The following TTC22 variants were observed in gnomAD, a reference collection of about 807,000 sequenced individuals.
The protein encoded by TTC22 is tetratricopeptide repeat domain 22, also known as tetratricopeptide repeat protein 22.
A neutral mutation model predicts 48.2 loss-of-function variants in TTC22; 42 were observed. The ratio of observed to expected loss-of-function variants is 0.87; its 90% confidence interval spans 0.68 to 1.13. The LOEUF (loss-of-function observed/expected upper bound fraction) is 1.13. Ranked by LOEUF, TTC22 falls within the 50% of genes most tolerant of loss-of-function variation. TTC22 has a pLI of 0.00. For synonymous variants in TTC22, 345 were observed against 365.5 expected (o/e 0.94, Z 0.64); for missense variants, 784 against 807.0 (o/e 0.97, Z 0.34).
Position 54,780,698 on chromosome 1 carries a change from T to C in TTC22, c.*545A>G, listed in dbSNP as rs1452038086. ...AGGAATGAGCCCTGAGCACGAGGCTTAGGCTAGGGCCCTGTCCCGTAACTC... is the reference window on the plus strand; with the variant it reads ...AGGAATGAGCCCTGAGCACGAGGCTCAGGCTAGGGCCCTGTCCCGTAACTC... On this transcript the variant is annotated 3_prime_UTR_variant, in exon 7 of 7. Coordinates refer to ENST00000371276, the MANE Select transcript of TTC22 (RefSeq NM_001114108.2). 2.0e-5 allele frequency: 3 copies of C among 152,288 alleles called. No individual in the cohort carries two copies. The highest frequency in any genetic ancestry group is 6.5e-5 in the Admixed American group (1 of 15,294). 9.4% of individuals were successfully genotyped at this position (152,288 alleles called of 1,614,324 possible).
chr1:54,787,787 C>T lies in TTC22; in HGVS notation c.663G>A (p.Gln221=), dbSNP rs753899935. 4 of 1,612,722 alleles carry T rather than the reference C, an allele frequency of 2.5e-6. No homozygotes were observed. The Admixed American group carries it at 6.7e-5, about 27-fold the overall frequency. The change falls in exon 3 of 7, where the codon CAG becomes CAA. Residue 221 remains glutamine, a synonymous_variant. Coordinates refer to ENST00000371276, the MANE Select transcript of TTC22 (RefSeq NM_001114108.2). ...TGCGGTTGAAGGCAGGCAGTCTCTT[C>T]TGCTCCTCACTGCCCAGCTCCAGGA... ...GIFLELGSEE[Q]KRLPAFNRTL... is the part of the protein sequence containing the mutation.
At chr1:54,793,057 G>C (rs183434453) in intron 1 of TTC22, 2 of 152,178 alleles carry the variant, frequency 1.3e-5, no homozygotes, top group Non-Finnish European at 2.9e-5. Context: ...GAACCTGCCT[G>C]GGGTGGGTGG....
rs369078300 is a variant in TTC22 at position 54,787,916 on chromosome 1, G to A, written c.624-90C>T. On this transcript the variant is annotated intron_variant, in intron 2 of 6. Transcript: ENST00000371276. ...CTGCCCAGGCCTGTGGTGGTGGGGG[G>A]TGGCGGTTTGGGGAGCCCTTTCCAG... 1,113 of 1,467,402 alleles carry A rather than the reference G, an allele frequency of 7.6e-4. 10 individuals are homozygous for A. The African/African-American group carries it at 0.013, about 18-fold the overall frequency. The allele number at this position is 1,467,402 out of a possible 1,614,324, so 90.9% of individuals were successfully genotyped here. A position where few individuals can be genotyped will look rare whatever the true frequency, so the allele number is the denominator to read the frequency against.
In TTC22 at chr1:54,783,796, G is replaced by C. The variant is rs1254719602; in HGVS notation, c.1021-1319C>G. On this transcript the variant is annotated intron_variant, in intron 5 of 6. Coordinates refer to ENST00000371276, the MANE Select transcript of TTC22 (RefSeq NM_001114108.2). The stretch of plus-strand genomic sequence containing the variant: ...GCTTGAGCCCAAGAATTTGAAACCA[G>C]CCTGGGCAACATAGGCAGAACCCTG... Among the ~76,000 whole-genome samples the C allele has an allele frequency of 2.0e-5, 3 of 152,254 alleles. No individual in the cohort carries two copies. In the South Asian group the frequency reaches 6.2e-4, roughly 32 times the overall value.
In TTC22 at chr1:54,786,973, A is replaced by C. The variant is rs1205024993; in HGVS notation, c.842T>G (p.Leu281Arg). The C allele has an allele frequency of 6.5e-7, 1 of 1,545,544 alleles. No homozygotes were observed. The highest frequency in any genetic ancestry group is 8.7e-7 in the Non-Finnish European group (1 of 1,144,896). ...HDCGYSGTDP[L>R]DCFGKAIEIA... ...GGCAAGTACCTTGCCGAAGCAGTCT[A>C]GAGGGTCGGTCCCTGAGTACCCGCA... The change falls in exon 4 of 7, where the codon CTA becomes CGA. Residue 281 changes from leucine (L) to arginine (R), a missense_variant. By Grantham distance (102) the Leu-to-Arg change is moderately radical (BLOSUM62 -2). Coordinates refer to ENST00000371276, the MANE Select transcript of TTC22 (RefSeq NM_001114108.2).
chr1:54,781,594 G>A lies in TTC22; in HGVS notation c.1359C>T (p.Ala453=). 6.6e-7 allele frequency: 1 copy of A among 1,524,324 alleles called. No homozygotes were observed. Among genetic ancestry groups the A allele is most frequent in the Non-Finnish European group, 8.8e-7 (1 of 1,142,008 alleles). The allele number at this position is 1,524,324 out of a possible 1,614,324, so 94.4% of individuals were successfully genotyped here. Residue 453 remains alanine, a synonymous_variant, in exon 7 of 7, where the codon GCC becomes GCT. Coordinates refer to ENST00000371276, the MANE Select transcript of TTC22 (RefSeq NM_001114108.2). ...RIKGEDANAA[A]CFKRAVELDD... is the part of the protein sequence containing the mutation. The stretch of plus-strand genomic sequence containing the variant: ...CCAGCTCCACTGCGCGCTTGAAGCA[G>A]GCGGCCGCGTTGGCGTCCTCGCCCT...
In TTC22 at chr1:54,782,402, G is replaced by A. The variant is rs370043562; in HGVS notation, c.1096C>T (p.Leu366=). 3.4e-5 allele frequency: 52 copies of A among 1,551,444 alleles called. No homozygotes were observed. Among genetic ancestry groups the A allele is most frequent in the Non-Finnish European group, 4.4e-5 (51 of 1,146,950 alleles). The change falls in exon 6 of 7, where the codon CTG becomes TTG. Residue 366 remains leucine, a synonymous_variant. Coordinates refer to ENST00000371276, the MANE Select transcript of TTC22 (RefSeq NM_001114108.2). ...GLGGMPDRNH[L]ACAKADLEEV... ...TCAAGGTCAGCCTTGGCACAGGCCA[G>A]GTGGTTCCTGTCAGGCATGCCCCCG...
rs1379983787 is a variant in TTC22 at position 54,800,676 on chromosome 1, C to A, written c.488G>T (p.Cys163Phe). 6.4e-7 allele frequency: 1 copy of A among 1,551,642 alleles called. No individual in the cohort carries two copies. The highest frequency in any genetic ancestry group is 1.9e-5 in the Admixed American group (1 of 52,542). The change falls in exon 1 of 7, where the codon TGC (cysteine) becomes TTC (phenylalanine). Residue 163 changes from cysteine (C) to phenylalanine (F), a missense_variant. Coordinates refer to ENST00000371276, the MANE Select transcript of TTC22 (RefSeq NM_001114108.2). Reference protein sequence around the residue: ...QGYAHGFDVGCASPEERARGL... With the variant: ...QGYAHGFDVGFASPEERARGL... ...CCGCGCACGCTCCTCTGGGCTGGCG[C>A]AGCCGACGTCGAAGCCATGCGCGTA...
chr1:54,781,933 C>T (rs1401790346), intron 6 of TTC22, among the ~76,000 whole-genome samples, 154 bp from the exon 7 acceptor site: 4 of 152,250 alleles, frequency 2.6e-5, no homozygotes, highest in African/African-American at 9.6e-5. Context: ...ATTCCTGCTC[C>T]TCTAGAAAAG....
intron 5 of TTC22, chr1:54,784,525 A>C: frequency 9.9e-7 from 1 of 1,009,576 alleles, no homozygotes; most frequent in Non-Finnish European, 1.2e-6. Context: ...TCTTGTGAAC[A>C]TTAAATCAGA....
intron 1 of TTC22, chr1:54,792,972 C>T (rs1646364109): frequency 6.6e-6 from 1 of 152,182 alleles, no homozygotes. Context: ...GTTTATGACT[C>T]CCAGAGGCAA....
rs1360698404 is a variant in TTC22, at chr1:54,800,844, G to T, written c.320C>A (p.Ala107Glu). 6.2e-7 allele frequency: 1 copy of T among 1,608,494 alleles called. No individual in the cohort carries two copies. ...CTGGCCCAGCCGCCCGTACACGTGT[G>T]CCAGATTGGCCCAGGCATTGAGGTT... is the stretch of plus-strand genomic sequence containing the variant. ...PGNLNAWANL[A>E]HVYGRLGQEE... Residue 107 changes from alanine (A) to glutamate (E), a missense_variant, in exon 1 of 7, where the codon GCA becomes GAA. Physicochemically the swap from Ala to Glu is moderately radical, Grantham distance 107 (BLOSUM62 -1). Transcript: ENST00000371276.
chr1:54,796,175 CGTGT>C (rs907992670), intron 1 of TTC22, among the ~76,000 whole-genome samples: 6 of 152,222 alleles, frequency 3.9e-5, no homozygotes, highest in Non-Finnish European at 5.9e-5. Context: ...TGTGTGTGCG[CGTGT>C]GTGTGTCTGT....
In TTC22 at chr1:54,786,054, T is replaced by A. The variant is rs750279709; in HGVS notation, c.949A>T (p.Thr317Ser). 4 of 1,613,926 alleles carry A rather than the reference T, an allele frequency of 2.5e-6. No individual in the cohort carries two copies. The South Asian group carries it at 4.4e-5, about 18-fold the overall frequency. The change falls in exon 5 of 7, where the codon ACC (threonine) becomes TCC (serine). Residue 317 changes from threonine (T) to serine (S), a missense_variant. Coordinates refer to ENST00000371276, the MANE Select transcript of TTC22 (RefSeq NM_001114108.2). ...AGGACATCCAGGGCCATGTTGCAGG[T>A]TCCAATGGCCATATCCTGCTTTCCC... ...FLGKQDMAIG[T>S]CNMALDVLRD...
intron 1 of TTC22, among the ~76,000 whole-genome samples, chr1:54,791,907 A>G (rs1015611631): frequency 2.0e-5 from 3 of 152,016 alleles, no homozygotes; most frequent in Non-Finnish European, 4.4e-5. Context: ...ATCCTGATCA[A>G]TCTCCTTACT....
chr1:54,797,759 T>A (rs936415734), intron 1 of TTC22, among the ~76,000 whole-genome samples: 1 of 152,160 alleles, frequency 6.6e-6, no homozygotes, highest in African/African-American at 2.4e-5. Flanking sequence ...TTTTATAATG[T>A]TTTCTTTTAT....
At chr1:54,791,663 G>C (rs943428267) in intron 1 of TTC22, among the ~76,000 whole-genome samples, 3 of 152,066 alleles carry the variant, frequency 2.0e-5, no homozygotes, top group African/African-American at 7.2e-5. Context: ...TATGCTCCCA[G>C]GACCTCAGGA....
At chr1:54,784,173 A>G (rs1041809106) in intron 5 of TTC22, among the ~76,000 whole-genome samples, 1 of 152,194 alleles carries the variant, frequency 6.6e-6, no homozygotes, top group African/African-American at 2.4e-5. Flanking sequence ...TGGAAGACTG[A>G]GAGAGGCATG....
In TTC22 at chr1:54,779,795, T is replaced by A. The variant is rs532125982; in HGVS notation, c.*1448A>T. On this transcript the variant is annotated 3_prime_UTR_variant, in exon 7 of 7. Transcript: ENST00000371276. ...GGTACAGTGTGGGGAAAACAGTAAG[T>A]GTGGCTTTGGGCAAGCCACTTCCCT... 2 of 152,348 alleles carry A rather than the reference T, an allele frequency of 1.3e-5. No homozygotes were observed. Among genetic ancestry groups the A allele is most frequent in the South Asian group, 2.1e-4 (1 of 4,828 alleles). 9.4% of individuals were successfully genotyped at this position (152,348 alleles called of 1,614,324 possible). A position where few individuals can be genotyped will look rare whatever the true frequency, so the allele number is the denominator to read the frequency against.
Sources: allele counts gnomAD v4.1 joint callset (sites outside exome capture counted in the v4.1 genomes callset), GRCh38; gene constraint gnomAD v4.1.1; transcripts MANE v1.5; gene names NCBI Gene and HGNC (gene_info 2026-07-23, HGNC 2026-07-21).